The following CNTNAP2 variants were observed in gnomAD, a reference collection of about 807,000 sequenced individuals.
CNTNAP2 encodes contactin-associated protein-like 2.
A neutral mutation model predicts 155.2 loss-of-function variants in CNTNAP2; 98 were observed. That is an observed-to-expected ratio of 0.63 (90% confidence interval 0.54 to 0.75). The LOEUF (loss-of-function observed/expected upper bound fraction) is 0.75. CNTNAP2 is among the 30% of genes least tolerant of loss of function. The pLI is 0.00. For missense variants in CNTNAP2, 1,727 were observed against 1,688.1 expected, an observed-to-expected ratio of 1.02 and a Z score of -0.40; for synonymous variants, 651 against 631.2, an observed-to-expected ratio of 1.03 and a Z score of -0.47.
intron 8 of CNTNAP2, among the ~76,000 whole-genome samples, chr7:147,132,865 T>C (rs1033272530): frequency 6.6e-6 from 1 of 152,158 alleles, no homozygotes; most frequent in African/African-American, 2.4e-5. Flanking sequence ...TGGTATCTTT[T>C]CTCTTTATCA....
At chr7:147,737,436 G>T (rs189851813) in intron 13 of CNTNAP2, among the ~76,000 whole-genome samples, 184 of 152,270 alleles carry the variant, frequency 1.2e-3, no homozygotes, top group African/African-American at 4.0e-3. Context: ...TGCCCCTACT[G>T]GGGGGTGCCT....
chr7:147,239,869 G>A (rs1356570949), intron 8 of CNTNAP2, among the ~76,000 whole-genome samples: 1 of 152,102 alleles, frequency 6.6e-6, no homozygotes, highest in Non-Finnish European at 1.5e-5. Context: ...TATGACAGGT[G>A]TGAGCTCCAA....
chr7:146,692,861 C>T (rs1800720648), intron 1 of CNTNAP2, among the ~76,000 whole-genome samples: 1 of 152,078 alleles, frequency 6.6e-6, no homozygotes, highest in Non-Finnish European at 1.5e-5. Flanking sequence ...ACTGATGCTA[C>T]AATAAAGCAA....
intron 3 of CNTNAP2, among the ~76,000 whole-genome samples, chr7:146,932,034 C>G (rs867738654): frequency 2.0e-5 from 3 of 150,444 alleles, no homozygotes; most frequent in Non-Finnish European, 1.5e-5. Context: ...ACCATTCCTT[C>G]TGAAACTATT....
chr7:147,001,873 A>C (rs1798430797), intron 3 of CNTNAP2, among the ~76,000 whole-genome samples: 1 of 152,032 alleles, frequency 6.6e-6, no homozygotes, highest in Admixed American at 6.6e-5. Context: ...AGCTTAAAAA[A>C]TTAATATTTT....
chr7:147,369,968 C>T (rs181112464), intron 9 of CNTNAP2, among the ~76,000 whole-genome samples: 3 of 152,282 alleles, frequency 2.0e-5, no homozygotes, highest in East Asian at 3.9e-4. Context: ...GACTTAGATT[C>T]GTGTGGCTCT....
chr7:146,125,466 C>T (rs1193150150), intron 1 of CNTNAP2, among the ~76,000 whole-genome samples: 2 of 149,716 alleles, frequency 1.3e-5, no homozygotes. Context: ...GTCCCAGCTA[C>T]TTGGAAGGCT....
At chr7:147,278,721 T>C (rs2116720986) in intron 8 of CNTNAP2, among the ~76,000 whole-genome samples, 1 of 151,634 alleles carries the variant, frequency 6.6e-6, no homozygotes, top group African/African-American at 2.4e-5. Context: ...AGCGTGATAA[T>C]TGTCTCCATT....
intron 1 of CNTNAP2, among the ~76,000 whole-genome samples, chr7:146,298,400 T>C (rs1181613490): frequency 6.6e-6 from 1 of 152,110 alleles, no homozygotes; most frequent in Non-Finnish European, 1.5e-5. Flanking sequence ...TACTAGTAAA[T>C]ACATCACCCC....
intron 1 of CNTNAP2, among the ~76,000 whole-genome samples, chr7:146,743,248 C>T (rs935028477): frequency 6.6e-6 from 1 of 152,002 alleles, no homozygotes; most frequent in South Asian, 2.1e-4. Flanking sequence ...TGTCAGAGTC[C>T]ATAGGAGGTA....
chr7:146,886,961 A>T (rs975449521), intron 3 of CNTNAP2, among the ~76,000 whole-genome samples: 2 of 151,786 alleles, frequency 1.3e-5, no homozygotes, highest in Non-Finnish European at 2.9e-5. Flanking sequence ...TCAGTGGATC[A>T]TAGGAAATAG....
chr7:148,338,581 T>C (rs1798165061), intron 21 of CNTNAP2, among the ~76,000 whole-genome samples: 1 of 152,048 alleles, frequency 6.6e-6, no homozygotes, highest in Non-Finnish European at 1.5e-5. Context: ...GAGTTACTGC[T>C]GATGAACCAG....
At chr7:146,219,131 T>C (rs1050732760) in intron 1 of CNTNAP2, among the ~76,000 whole-genome samples, 1 of 152,142 alleles carries the variant, frequency 6.6e-6, no homozygotes, top group African/African-American at 2.4e-5. Flanking sequence ...TTGCCATTTA[T>C]AAGACCATCA....
chr7:147,061,168 C>G (rs1290142855), intron 4 of CNTNAP2, among the ~76,000 whole-genome samples: 2 of 151,954 alleles, frequency 1.3e-5, no homozygotes, highest in African/African-American at 4.8e-5. Context: ...TGAAGTTGAG[C>G]AAGATGAATA....
intron 15 of CNTNAP2, among the ~76,000 whole-genome samples, chr7:148,008,971 T>C (rs1286725069): frequency 2.6e-5 from 4 of 152,110 alleles, no homozygotes; most frequent in Admixed American, 2.6e-4. Context: ...TTATGTGGAG[T>C]AACAAACCCT....
chr7:147,569,942 T>A (rs879430928), intron 12 of CNTNAP2, among the ~76,000 whole-genome samples: 11 of 152,206 alleles, frequency 7.2e-5, no homozygotes, highest in Non-Finnish European at 1.3e-4. Context: ...ATTCATTTCC[T>A]TATGGTTTAA....
At chr7:147,386,284 C>T (rs577645458) in intron 9 of CNTNAP2, among the ~76,000 whole-genome samples, 1 of 152,254 alleles carries the variant, frequency 6.6e-6, no homozygotes, top group African/African-American at 2.4e-5. Flanking sequence ...ACATTTGGAT[C>T]CTTGTTACTT....
intron 1 of CNTNAP2, among the ~76,000 whole-genome samples, chr7:146,625,330 A>ACT (rs1308019202): frequency 2.7e-5 from 4 of 150,554 alleles, no homozygotes; most frequent in Admixed American, 6.6e-5. Context: ...GCATAAAAGG[A>ACT]CTGGGGTATT....
At chr7:146,427,185 G>T (rs1488929003) in intron 1 of CNTNAP2, among the ~76,000 whole-genome samples, 1 of 152,046 alleles carries the variant, frequency 6.6e-6, no homozygotes, top group African/African-American at 2.4e-5. Context: ...TCGCTTTTAA[G>T]TTTCACCTCC....
Sources: allele counts gnomAD v4.1 joint callset (sites outside exome capture counted in the v4.1 genomes callset), GRCh38; gene constraint gnomAD v4.1.1; transcripts MANE v1.5; gene names NCBI Gene and HGNC (gene_info 2026-07-23, HGNC 2026-07-21).